The following GALNT7 variants were observed in gnomAD, a reference collection of about 807,000 sequenced individuals.
GALNT7 encodes polypeptide N-acetylgalactosaminyltransferase 7.
In GALNT7, 60 loss-of-function variants were observed where a neutral mutation model predicts 82.1. The ratio of observed to expected loss-of-function variants is 0.73; its 90% CI spans 0.59 to 0.91. The LOEUF (loss-of-function observed/expected upper bound fraction) is 0.91. Ranked by LOEUF, GALNT7 falls within the 40% of genes least tolerant of loss-of-function variation. GALNT7 has a pLI of 0.00. For synonymous variants in GALNT7, 243 were observed against 275.1 expected (o/e 0.88, Z 1.15); for missense variants, 660 against 804.2 (o/e 0.82, Z 2.17).
chr4:173,216,074 C>T (rs1258069732), intron 1 of GALNT7, among the ~76,000 whole-genome samples: 3 of 152,190 alleles, frequency 2.0e-5, no homozygotes, highest in South Asian at 2.1e-4. Flanking sequence ...CAGTGAGCTG[C>T]GATCACACAC....
chr4:173,278,993 G>A (rs1259279212), intron 2 of GALNT7, among the ~76,000 whole-genome samples: 2 of 152,118 alleles, frequency 1.3e-5, no homozygotes, highest in Admixed American at 1.3e-4. Flanking sequence ...ATTCCAACCA[G>A]TGTCCATAGA....
At chr4:173,267,505 G>A (rs554281127) in intron 2 of GALNT7, among the ~76,000 whole-genome samples, 1 of 152,320 alleles carries the variant, frequency 6.6e-6, no homozygotes, top group African/African-American at 2.4e-5. Flanking sequence ...GCACAGACCA[G>A]CAAATGTCAT....
chr4:173,282,281 G>C (rs1736140498), intron 2 of GALNT7, among the ~76,000 whole-genome samples: 1 of 152,176 alleles, frequency 6.6e-6, no homozygotes, highest in African/African-American at 2.4e-5. Context: ...TTTCTGTGGA[G>C]CCCACCATGT....
intron 2 of GALNT7, among the ~76,000 whole-genome samples, chr4:173,250,283 A>T (rs547812786): frequency 1.3e-5 from 2 of 152,210 alleles, no homozygotes; most frequent in Non-Finnish European, 2.9e-5. Context: ...CAGTGTGGAA[A>T]CAAGAAATTT....
intron 2 of GALNT7, among the ~76,000 whole-genome samples, chr4:173,258,036 T>C (rs901980073): frequency 1.3e-5 from 2 of 152,028 alleles, no homozygotes; most frequent in African/African-American, 2.4e-5. Flanking sequence ...TGAGATTGAG[T>C]TGGGGAAGGG....
chr4:173,241,427 G>A (rs768970879), intron 1 of GALNT7, among the ~76,000 whole-genome samples: 3 of 152,178 alleles, frequency 2.0e-5, no homozygotes, highest in Non-Finnish European at 2.9e-5. Flanking sequence ...TTACTGTACA[G>A]AATGCAGAGA....
chr4:173,254,243 C>T (rs1256499134), intron 2 of GALNT7, among the ~76,000 whole-genome samples: 2 of 152,156 alleles, frequency 1.3e-5, no homozygotes, highest in Non-Finnish European at 2.9e-5. Context: ...TTTACATTTA[C>T]ACTCATGCCT....
chr4:173,249,884 A>G (rs1423139107), intron 2 of GALNT7, among the ~76,000 whole-genome samples: 1 of 152,168 alleles, frequency 6.6e-6, no homozygotes, highest in African/African-American at 2.4e-5. Flanking sequence ...CCTCGTCTAG[A>G]ACGTGTCTCA....
intron 1 of GALNT7, chr4:173,169,319 C>T (rs1159969788): frequency 6.7e-6 from 1 of 149,888 alleles, no homozygotes; most frequent in Admixed American, 6.6e-5. Flanking sequence ...GCGTCCCGCT[C>T]TGGGGGGCCG....
chr4:173,224,487 T>C (rs1344713672), intron 1 of GALNT7, among the ~76,000 whole-genome samples: 1 of 152,202 alleles, frequency 6.6e-6, no homozygotes, highest in Non-Finnish European at 1.5e-5. Flanking sequence ...TCTTGACCTT[T>C]TCAGTGGACA....
chr4:173,177,034 G>A (rs1030075300), intron 1 of GALNT7, among the ~76,000 whole-genome samples: 1 of 152,180 alleles, frequency 6.6e-6, no homozygotes. Context: ...AATCATTCTT[G>A]ATGGTAAAGG....
At chr4:173,225,754 G>C (rs1017359972) in intron 1 of GALNT7, among the ~76,000 whole-genome samples, 1 of 152,228 alleles carries the variant, frequency 6.6e-6, no homozygotes, top group Non-Finnish European at 1.5e-5. Flanking sequence ...CGCACTCTGA[G>C]ATTGAGATTT....
intron 1 of GALNT7, among the ~76,000 whole-genome samples, chr4:173,228,252 A>T (rs961531210): frequency 1.3e-5 from 2 of 150,578 alleles, no homozygotes; most frequent in Non-Finnish European, 3.0e-5. Context: ...TAACACCCAA[A>T]AGCTCATCAC....
intron 2 of GALNT7, among the ~76,000 whole-genome samples, chr4:173,269,836 C>G: frequency 6.6e-6 from 1 of 152,138 alleles, no homozygotes; most frequent in Non-Finnish European, 1.5e-5. Flanking sequence ...CTCCGATAGA[C>G]CACGGCCATA....
In GALNT7 at chr4:173,248,451, A is replaced by G. The variant is rs769161043; in HGVS notation, c.587+11A>G. The G allele has an allele frequency of 3.3e-6, 5 of 1,502,372 alleles. No individual in the cohort carries two copies. In the East Asian group the frequency reaches 9.1e-5, roughly 27 times the overall value. The allele number at this position is 1,502,372 out of a possible 1,614,324, so 93.1% of individuals were successfully genotyped here. ...CTTACGCCAAGAAGAGTAAGCACAC[A>G]TCCTCTTCTTTCTAAAAATGGGGCA... is the stretch of plus-strand genomic sequence containing the variant. On this transcript the variant is annotated intron_variant, in intron 2 of 11. Transcript: ENST00000265000.
chr4:173,286,678 G>T (rs1443393122), intron 2 of GALNT7, among the ~76,000 whole-genome samples: 1 of 152,186 alleles, frequency 6.6e-6, no homozygotes, highest in African/African-American at 2.4e-5. Context: ...TTGGTTAAAG[G>T]CAGGTTCCCA....
chr4:173,201,660 G>A (rs908293871), intron 1 of GALNT7, among the ~76,000 whole-genome samples: 1 of 152,176 alleles, frequency 6.6e-6, no homozygotes, highest in Non-Finnish European at 1.5e-5. Flanking sequence ...GAGCAGATGA[G>A]CAACAGGTGA....
At chr4:173,212,318 C>T (rs944695490) in intron 1 of GALNT7, among the ~76,000 whole-genome samples, 3 of 152,036 alleles carry the variant, frequency 2.0e-5, no homozygotes, top group African/African-American at 7.2e-5. Flanking sequence ...CTTAAGTCTA[C>T]AAAAGTCACA....
chr4:173,244,172 G>A (rs1006241598), intron 1 of GALNT7, among the ~76,000 whole-genome samples: 4 of 152,156 alleles, frequency 2.6e-5, no homozygotes, highest in African/African-American at 7.2e-5. Flanking sequence ...TGCAGAGGCA[G>A]ACTTGAATAA....
Sources: allele counts gnomAD v4.1 joint callset (sites outside exome capture counted in the v4.1 genomes callset), GRCh38; gene constraint gnomAD v4.1.1; transcripts MANE v1.5; gene names NCBI Gene and HGNC (gene_info 2026-07-23, HGNC 2026-07-21).